INPP4B: variants seen among roughly 807,000 people sequenced by gnomAD.
The protein encoded by INPP4B is inositol polyphosphate 4-phosphatase type II.
Under a neutral mutation model 122.5 loss-of-function variants are expected in INPP4B, and 55 were observed. The observed-to-expected ratio is 0.45, with a 90% CI of 0.36 to 0.56. INPP4B has a LOEUF of 0.56. Among genes scored for constraint, INPP4B ranks in the 20% least tolerant of loss-of-function variants. The pLI, the probability that INPP4B is intolerant of heterozygous loss-of-function variation, is 0.00. For missense variants in INPP4B, 1,000 were observed against 1,097.7 expected, an observed-to-expected ratio of 0.91 and a Z score of 1.26; for synonymous variants, 403 against 388.7, an observed-to-expected ratio of 1.04 and a Z score of -0.43.
intron 2 of INPP4B, among the ~76,000 whole-genome samples, chr4:142,605,394 C>T (rs1369136148): frequency 6.6e-6 from 1 of 151,784 alleles, no homozygotes; most frequent in East Asian, 1.9e-4. Flanking sequence ...AGACCTAAAA[C>T]ACACAGGCAA....
At chr4:142,652,623 G>T (rs1753232697) in intron 2 of INPP4B, among the ~76,000 whole-genome samples, 1 of 152,082 alleles carries the variant, frequency 6.6e-6, no homozygotes, top group Admixed American at 6.6e-5. Flanking sequence ...TTGCTACAAA[G>T]AGAATAAAAT....
intron 16 of INPP4B, among the ~76,000 whole-genome samples, chr4:142,163,094 C>A (rs190854376): frequency 6.0e-4 from 91 of 151,892 alleles, no homozygotes; most frequent in Non-Finnish European, 1.2e-3. Flanking sequence ...GTCACTAAAT[C>A]CCAACACAGC....
intron 2 of INPP4B, among the ~76,000 whole-genome samples, chr4:142,492,452 G>C (rs539119222): frequency 6.6e-6 from 1 of 152,232 alleles, no homozygotes; most frequent in Admixed American, 6.5e-5. Flanking sequence ...TCAGAAGACA[G>C]GAAGATGTGA....
At chr4:142,784,598 G>C (rs1775452096) in intron 1 of INPP4B, among the ~76,000 whole-genome samples, 2 of 151,936 alleles carry the variant, frequency 1.3e-5, no homozygotes, top group Non-Finnish European at 2.9e-5. Flanking sequence ...TGAATTGCTG[G>C]AGGATACATG....
chr4:142,671,547 G>T (rs1254250866), intron 2 of INPP4B, among the ~76,000 whole-genome samples: 1 of 151,998 alleles, frequency 6.6e-6, no homozygotes, highest in African/African-American at 2.4e-5. Flanking sequence ...TCATTGTATG[G>T]TGCTACAATA....
intron 1 of INPP4B, among the ~76,000 whole-genome samples, chr4:142,833,871 TC>T (rs535810723): frequency 5.6e-4 from 86 of 152,260 alleles, no homozygotes; most frequent in African/African-American, 1.9e-3. Flanking sequence ...ATCCCAGGCC[TC>T]ACCTCAATAG....
chr4:142,802,098 G>A (rs1377511007), intron 1 of INPP4B, among the ~76,000 whole-genome samples: 2 of 152,032 alleles, frequency 1.3e-5, no homozygotes, highest in East Asian at 3.9e-4. Flanking sequence ...AGGTCACTAG[G>A]GTTTGGCTTT....
At chr4:142,080,265 T>C (rs546038397) in intron 25 of INPP4B, among the ~76,000 whole-genome samples, 29 of 152,222 alleles carry the variant, frequency 1.9e-4, no homozygotes, top group Non-Finnish European at 3.5e-4. Flanking sequence ...TTGCCAGAGC[T>C]TGTAAACCTA....
intron 2 of INPP4B, among the ~76,000 whole-genome samples, chr4:142,513,405 GTC>G (rs1185540007): frequency 6.6e-6 from 1 of 151,522 alleles, no homozygotes; most frequent in African/African-American, 2.4e-5. Context: ...GCTCTCTGGG[GTC>G]TCTCTCTTTT....
At chr4:142,323,739 CCAG>C (rs1452603548) in intron 7 of INPP4B, among the ~76,000 whole-genome samples, 1 of 151,696 alleles carries the variant, frequency 6.6e-6, no homozygotes, top group African/African-American at 2.4e-5. Context: ...GCCACAGCGC[CCAG>C]CAGATCTTTT....
Position 142,383,439 on chromosome 4 carries a change from C to G in INPP4B, c.372+19499G>C, listed in dbSNP as rs1497389. Reference sequence around the variant, plus strand: ...CCACCTAGGCTATGAGGTTGTGGGTCAAACCTAACTGCCTAAATTTCTACT... The same window carrying G: ...CCACCTAGGCTATGAGGTTGTGGGTGAAACCTAACTGCCTAAATTTCTACT... On this transcript the variant is annotated intron_variant, in intron 7 of 25. Coordinates refer to ENST00000262992, the MANE Select transcript of INPP4B (RefSeq NM_001101669.3). Among the ~76,000 whole-genome samples the G allele has an allele frequency of 2.6e-5, 4 of 151,936 alleles. No homozygotes were observed. The East Asian group carries it at 7.7e-4, about 29-fold the overall frequency.
At chr4:142,412,016 G>T (rs1463708245) in intron 5 of INPP4B, among the ~76,000 whole-genome samples, 1 of 152,078 alleles carries the variant, frequency 6.6e-6, no homozygotes, top group African/African-American at 2.4e-5. Context: ...TGCAGCCTAG[G>T]GGGCAGTTTT....
intron 1 of INPP4B, among the ~76,000 whole-genome samples, chr4:142,744,138 G>A (rs1363973468): frequency 1.3e-5 from 2 of 151,772 alleles, no homozygotes; most frequent in African/African-American, 4.8e-5. Flanking sequence ...ATTTTAAAAG[G>A]CAAATAGAAA....
At chr4:142,529,540 T>C (rs954018815) in intron 2 of INPP4B, among the ~76,000 whole-genome samples, 1 of 152,022 alleles carries the variant, frequency 6.6e-6, no homozygotes, top group Non-Finnish European at 1.5e-5. Context: ...AAAATATATT[T>C]TATGTGAACA....
At chr4:142,237,439 T>G (rs1857149480) in intron 12 of INPP4B, among the ~76,000 whole-genome samples, 1 of 152,138 alleles carries the variant, frequency 6.6e-6, no homozygotes, top group Admixed American at 6.6e-5. Context: ...TGAGGTTAAC[T>G]TTAATAATAT....
At chr4:142,298,126 A>T (rs950757059) in intron 9 of INPP4B, among the ~76,000 whole-genome samples, 21 of 152,126 alleles carry the variant, frequency 1.4e-4, no homozygotes, top group Admixed American at 1.2e-3. Context: ...AAACAAACAA[A>T]ACAGGAAAGA....
chr4:142,319,636 G>A (rs1769235283), intron 7 of INPP4B, among the ~76,000 whole-genome samples: 1 of 152,226 alleles, frequency 6.6e-6, no homozygotes, highest in Non-Finnish European at 1.5e-5. Flanking sequence ...GATGTTTGCT[G>A]GATTTTGCAA....
intron 3 of INPP4B, among the ~76,000 whole-genome samples, chr4:142,458,150 G>A (rs140851611): frequency 4.2e-4 from 64 of 152,250 alleles, no homozygotes; most frequent in Middle Eastern, 3.4e-3. Flanking sequence ...ATGGGTGAAC[G>A]TCAAGCACAA....
chr4:142,197,126 CAAA>C (rs376793889), intron 14 of INPP4B, among the ~76,000 whole-genome samples: 4 of 67,236 alleles, frequency 5.9e-5, no homozygotes, highest in Non-Finnish European at 1.1e-4. Context: ...AACTCCGTCT[CAAA>C]AAAAAAAAAA....
Sources: gnomAD v4.1 joint callset for allele counts (sites outside exome capture counted in the v4.1 genomes callset) on GRCh38, gnomAD v4.1.1 for gene constraint, MANE v1.5 for transcripts, NCBI Gene and HGNC (gene_info 2026-07-23, HGNC 2026-07-21) for gene names.